The following SANBR variants were observed in gnomAD, a reference collection of about 807,000 sequenced individuals.
SANBR encodes SANT and BTB domain regulator of CSR.
In SANBR, 77 loss-of-function variants were observed where a neutral mutation model predicts 101.8. That is an observed-to-expected ratio of 0.76 (90% CI 0.63 to 0.91). SANBR has a LOEUF of 0.91. SANBR is among the 40% of genes least tolerant of loss of function. The pLI is 0.00. For missense variants in SANBR, 875 were observed against 853.0 expected (o/e 1.03, Z -0.32); for synonymous variants, 279 against 274.7 (o/e 1.02, Z -0.15).
chr2:61,078,056 T>A (rs1360721476), intron 6 of SANBR, among the ~76,000 whole-genome samples: 2 of 152,212 alleles, frequency 1.3e-5, no homozygotes, highest in Non-Finnish European at 2.9e-5. Context: ...AGATTGGTGG[T>A]CATATTAATG....
Position 61,122,247 on chromosome 2 carries a change from T to G in SANBR, c.*85T>G. 7 of 1,466,706 alleles carry G rather than the reference T, an allele frequency of 4.8e-6. No homozygotes were observed. Among genetic ancestry groups the G allele is most frequent in the Non-Finnish European group, 6.3e-6 (7 of 1,102,920 alleles). 90.9% of individuals were successfully genotyped at this position (1,466,706 alleles called of 1,614,324 possible). A position where few individuals can be genotyped will look rare whatever the true frequency, so the allele number is the denominator to read the frequency against. ...CACTTCTTGAAGATCTTCAGAACAATGACTTCCAACTGTTTTATGTTATTA... is the reference window on the plus strand; with the variant it reads ...CACTTCTTGAAGATCTTCAGAACAAGGACTTCCAACTGTTTTATGTTATTA... On this transcript the variant is annotated 3_prime_UTR_variant, in exon 22 of 22. Transcript: ENST00000402291.
At position 61,108,329 on chromosome 2, in the gene SANBR, A is replaced by G. The variant is rs1450875037; in HGVS notation, c.1624A>G (p.Lys542Glu). 1 of 1,576,292 alleles carries G rather than the reference A, an allele frequency of 6.3e-7. No homozygotes were observed. The highest frequency in any genetic ancestry group is 2.3e-5 in the East Asian group (1 of 43,172). Residue 542 changes from lysine to glutamate, a missense_variant, in exon 15 of 22, where the codon AAA becomes GAA. By Grantham distance (56) the Lys-to-Glu change is moderately conservative. Coordinates refer to ENST00000402291, the MANE Select transcript of SANBR (RefSeq NM_001129993.3). Reference sequence around the variant, plus strand: ...TCCTGTCTTGTAGTTCTTGTCATTGAAAAACTGGACTCTACAACTGGTAAG... The same window carrying G: ...TCCTGTCTTGTAGTTCTTGTCATTGGAAAACTGGACTCTACAACTGGTAAG... ...TGELNAFLSL[K>E]NWTLQLKQQS...
At chr2:61,120,954 T>C (rs989168316) in intron 20 of SANBR, among the ~76,000 whole-genome samples, 1 of 152,192 alleles carries the variant, frequency 6.6e-6, no homozygotes, top group African/African-American at 2.4e-5. Flanking sequence ...GTGATAGGAC[T>C]ATTTTCTGTG....
intron 5 of SANBR, among the ~76,000 whole-genome samples, chr2:61,073,886 A>G (rs1030496401): frequency 6.6e-6 from 1 of 152,166 alleles, no homozygotes; most frequent in Admixed American, 6.5e-5. Context: ...AAGAAATTGG[A>G]TGTGTATTTT....
chr2:61,132,580 T>C (rs1432897354), intron 20 of SANBR, among the ~76,000 whole-genome samples: 2 of 152,142 alleles, frequency 1.3e-5, no homozygotes, highest in Non-Finnish European at 2.9e-5. Flanking sequence ...GAATGTAAAA[T>C]AATGCAGCCA....
chr2:61,071,692 T>A lies in SANBR; in HGVS notation c.237T>A (p.Ser79Arg). 1 of 1,604,660 alleles carries A rather than the reference T, an allele frequency of 6.2e-7. No homozygotes were observed. The highest frequency in any genetic ancestry group is 8.5e-7 in the Non-Finnish European group (1 of 1,176,586). ...ATTCCCTAATGGCTGCTGGAGAGAG[T>A]CCTGTTGAAACTTTAGCCACATATA... ...QYNSLMAAGE[S>R]PVETLATYIK... Residue 79 changes from serine (S) to arginine (R), a missense_variant, in exon 4 of 22, where the codon AGT becomes AGA. Ser to Arg is a moderately radical substitution (Grantham distance 110). Coordinates refer to ENST00000402291, the MANE Select transcript of SANBR (RefSeq NM_001129993.3).
At chr2:61,105,151 C>A (rs921755830) in intron 13 of SANBR, among the ~76,000 whole-genome samples, 1 of 151,846 alleles carries the variant, frequency 6.6e-6, no homozygotes, top group African/African-American at 2.4e-5. Context: ...GAGGCCGAGG[C>A]AGGCCGATCA....
At chr2:61,077,733 A>G (rs1405841645) in intron 6 of SANBR, among the ~76,000 whole-genome samples, 19 of 152,270 alleles carry the variant, frequency 1.2e-4, no homozygotes, top group Admixed American at 1.2e-3. Context: ...CCTACTGCAC[A>G]GCAACACATG....
rs1684356201 is a variant in SANBR, at chr2:61,122,155, C to T, written c.2150C>T (p.Pro717Leu). 6.5e-7 allele frequency: 1 copy of T among 1,549,916 alleles called. No individual in the cohort carries two copies. Among genetic ancestry groups the T allele is most frequent in the Non-Finnish European group, 8.7e-7 (1 of 1,145,638 alleles). ...AAAAGTCGTTTTGGTCAAGGGCGTC[C>T]TGCATAAAGTACCTTAAAATATAAG... ...RSKSRFGQGR[P>L]A is the part of the protein sequence containing the mutation. The change falls in exon 22 of 22, where the codon CCT becomes CTT. Residue 717 changes from proline (P) to leucine (L), a missense_variant. Physicochemically the swap from Pro to Leu is moderately conservative, Grantham distance 98 (BLOSUM62 -3). Transcript: ENST00000402291.
At chr2:61,093,816 T>C (rs1267438475) in intron 11 of SANBR, among the ~76,000 whole-genome samples, 2 of 152,212 alleles carry the variant, frequency 1.3e-5, no homozygotes, top group African/African-American at 4.8e-5. Context: ...AAAGTTTTTG[T>C]TTTTTAATTA....
rs1681478215 is a variant in SANBR, at chr2:61,071,656, C to T, written c.201C>T (p.Asp67=). The change falls in exon 4 of 22, where the codon GAC becomes GAT. Residue 67 remains aspartate (D), a synonymous_variant. Coordinates refer to ENST00000402291, the MANE Select transcript of SANBR (RefSeq NM_001129993.3). ...AGAGCAGTGGAAGCTCGCCTGTTGA[C>T]AACCAGTATAATTCCCTAATGGCTG... The part of the protein sequence containing the change: ...ELKSSGSSPV[D]NQYNSLMAAG... 1.3e-6 allele frequency: 2 copies of T among 1,588,440 alleles called. No homozygotes were observed. Among genetic ancestry groups the T allele is most frequent in the Non-Finnish European group, 1.7e-6 (2 of 1,171,700 alleles).
chr2:61,095,364 A>G (rs1348746539), intron 11 of SANBR, among the ~76,000 whole-genome samples: 1 of 152,340 alleles, frequency 6.6e-6, no homozygotes, highest in East Asian at 1.9e-4. Context: ...CGTGCACCTT[A>G]TAGTTTTTAT....
intron 1 of SANBR, chr2:61,066,367 C>T (rs889152956): frequency 1.2e-4 from 19 of 152,498 alleles, no homozygotes; most frequent in Admixed American, 9.8e-4. Flanking sequence ...CTCTGCGCCC[C>T]TGGAGTTTCT....
intron 8 of SANBR, among the ~76,000 whole-genome samples, chr2:61,085,922 C>G (rs1224638387): frequency 6.6e-6 from 1 of 152,154 alleles, no homozygotes; most frequent in Admixed American, 6.6e-5. Context: ...AAGTTCTTGG[C>G]ATTTCTATAT....
At chr2:61,071,232 A>G (rs1235985333) in intron 3 of SANBR, among the ~76,000 whole-genome samples, 1 of 152,188 alleles carries the variant, frequency 6.6e-6, no homozygotes, top group Non-Finnish European at 1.5e-5. Flanking sequence ...AGGCAAGAAA[A>G]TACCTTCTCA....
intron 12 of SANBR, among the ~76,000 whole-genome samples, chr2:61,100,396 G>A (rs1193607162): frequency 2.0e-5 from 3 of 152,228 alleles, no homozygotes; most frequent in Admixed American, 6.5e-5. Flanking sequence ...GAGCCACCGT[G>A]CCTGGCCTTG....
At chr2:61,114,430 A>T (rs989203046) in intron 16 of SANBR, among the ~76,000 whole-genome samples, 4 of 152,214 alleles carry the variant, frequency 2.6e-5, no homozygotes, top group Admixed American at 6.5e-5. Context: ...CTATTTAGAT[A>T]GACTGCTCTA....
At chr2:61,080,537 A>G (rs368479534) in intron 6 of SANBR, among the ~76,000 whole-genome samples, 4 of 152,178 alleles carry the variant, frequency 2.6e-5, no homozygotes, top group East Asian at 3.9e-4. Context: ...CCTGGCCAAC[A>G]TGGTGAAACC....
Position 61,106,471 on chromosome 2 carries a change from C to T in SANBR, c.1512-92C>T, listed in dbSNP as rs189967858. On this transcript the variant is annotated intron_variant, in intron 13 of 21. Transcript: ENST00000402291. The stretch of plus-strand genomic sequence containing the variant: ...ACTCAGGAACTGTATTTCTAAAAAG[C>T]GATTTTTGAAACATTTGTAATAAAA... 1.3e-4 allele frequency: 100 copies of T among 799,058 alleles called. 2 individuals are homozygous for T. In the East Asian group the frequency reaches 2.7e-3, roughly 22 times the overall value. 49.5% of individuals were successfully genotyped at this position (799,058 alleles called of 1,614,324 possible).
Sources: gnomAD v4.1 joint callset for allele counts (sites outside exome capture counted in the v4.1 genomes callset) on GRCh38, gnomAD v4.1.1 for gene constraint, MANE v1.5 for transcripts, NCBI Gene and HGNC (gene_info 2026-07-23, HGNC 2026-07-21) for gene names.